The following DYM variants were observed in gnomAD, a reference collection of about 807,000 sequenced individuals.
DYM encodes dyggve-Melchior-Clausen syndrome protein.
DYM carries 78 observed loss-of-function variants against 93.1 expected under a neutral mutation model. The observed-to-expected ratio is 0.84, with a 90% CI of 0.70 to 1.01. DYM has a LOEUF of 1.01. Among genes scored for constraint, DYM ranks in the 50% least tolerant of loss-of-function variants. The pLI is 0.00. For missense variants in DYM, 789 were observed against 845.0 expected, an observed-to-expected ratio of 0.93 and a Z score of 0.82; for synonymous variants, 321 against 319.7, an observed-to-expected ratio of 1.00 and a Z score of -0.04.
intron 15 of DYM, among the ~76,000 whole-genome samples, chr18:49,129,668 C>T (rs1278271252): frequency 6.6e-6 from 1 of 152,210 alleles, no homozygotes; most frequent in African/African-American, 2.4e-5. Context: ...ACTAGGTGCT[C>T]ATGAGAAAGG....
chr18:49,371,157 A>T (rs1445943910), intron 5 of DYM, among the ~76,000 whole-genome samples: 1 of 152,110 alleles, frequency 6.6e-6, no homozygotes, highest in Non-Finnish European at 1.5e-5. Flanking sequence ...CAGGCCCTGG[A>T]TCCCTTTAGA....
Position 49,363,398 on chromosome 18 carries a change from G to A in DYM, c.422-165C>T, listed in dbSNP as rs540703983. 2.6e-5 allele frequency among the ~76,000 whole-genome samples: 4 copies of A among 152,316 alleles called. No individual in the cohort carries two copies. In the East Asian group the frequency reaches 7.7e-4, roughly 29 times the overall value. On this transcript the variant is annotated intron_variant, in intron 5 of 17. Transcript: ENST00000675505. ...TAAAATCCAAATCATGAATAGGTTA[G>A]CATCTATGATGATCTTCATCTAGCA... is the stretch of plus-strand genomic sequence containing the variant.
chr18:49,412,805 T>C (rs1250257813), intron 2 of DYM, among the ~76,000 whole-genome samples: 2 of 152,246 alleles, frequency 1.3e-5, no homozygotes, highest in Admixed American at 1.3e-4. Context: ...CTTGCTTCTG[T>C]CAGTTAAAAA....
chr18:49,460,097 C>A (rs897615010), intron 1 of DYM, among the ~76,000 whole-genome samples: 6 of 152,224 alleles, frequency 3.9e-5, no homozygotes, highest in African/African-American at 9.6e-5. Flanking sequence ...AGCTATTGCT[C>A]ACCCTGCCCA....
chr18:49,123,213 T>C (rs563355626), intron 15 of DYM, among the ~76,000 whole-genome samples: 1 of 152,344 alleles, frequency 6.6e-6, no homozygotes, highest in African/African-American at 2.4e-5. Context: ...TTTCCGCATG[T>C]ATTTTGTTAT....
At chr18:49,176,569 C>T (rs2089402949) in intron 14 of DYM, among the ~76,000 whole-genome samples, 1 of 148,146 alleles carries the variant, frequency 6.8e-6, no homozygotes, top group South Asian at 2.1e-4. Flanking sequence ...TGTCACCAAG[C>T]CTGGCTTTTT....
rs553221651 is a variant in DYM at position 49,071,849 on chromosome 18, G to A, written c.2025+25553C>T. On this transcript the variant is annotated intron_variant, in intron 17 of 17. Coordinates refer to ENST00000675505, the MANE Select transcript of DYM (RefSeq NM_001353214.3). ...GACTACAAAGGATCCCATGTATAGC[G>A]TCTTGTCATAGGGACTATTGAAAAT... 9.2e-5 allele frequency among the ~76,000 whole-genome samples: 14 copies of A among 152,286 alleles called. No homozygotes were observed. The South Asian group carries it at 2.7e-3, about 29-fold the overall frequency.
chr18:49,421,047 C>T (rs961208727), intron 2 of DYM, among the ~76,000 whole-genome samples: 2 of 152,168 alleles, frequency 1.3e-5, no homozygotes, highest in Non-Finnish European at 1.5e-5. Context: ...GAACTGCCTG[C>T]CTCTGTAGAC....
chr18:49,426,405 G>C (rs1211800299), intron 2 of DYM, among the ~76,000 whole-genome samples: 1 of 99,300 alleles, frequency 1.0e-5, no homozygotes, highest in Non-Finnish European at 1.9e-5. Context: ...GTGGGGTGGG[G>C]GGAGGGGGGA....
chr18:49,213,004 C>T lies in DYM; in HGVS notation c.1461-3289G>A, dbSNP rs551157961. On this transcript the variant is annotated intron_variant, in intron 13 of 17. Transcript: ENST00000675505. ...AGCCCATAAAAAACAGTCACTGTTA[C>T]TTAAGAATTACTTTCACAAAAATAA... Among the ~76,000 whole-genome samples the T allele has an allele frequency of 3.3e-5, 5 of 152,276 alleles. No individual in the cohort carries two copies. In the East Asian group the frequency reaches 9.7e-4, roughly 29 times the overall value.
At chr18:49,408,239 T>C (rs2071755292) in intron 2 of DYM, among the ~76,000 whole-genome samples, 1 of 152,234 alleles carries the variant, frequency 6.6e-6, no homozygotes, top group African/African-American at 2.4e-5. Flanking sequence ...CTTTTCCATA[T>C]CTAAAAACAT....
chr18:49,369,874 C>T (rs1294915580), intron 5 of DYM, among the ~76,000 whole-genome samples: 1 of 152,226 alleles, frequency 6.6e-6, no homozygotes, highest in Non-Finnish European at 1.5e-5. Flanking sequence ...CATACAGTGT[C>T]TTGGGCCTAG....
At chr18:49,049,624 G>A in intron 17 of DYM, 1 of 153,562 alleles carries the variant, frequency 6.5e-6, no homozygotes, top group Middle Eastern at 8.6e-4. Context: ...CTTAATGAAT[G>A]TTGGCTATTA....
chr18:49,211,620 C>G (rs182285519), intron 13 of DYM, among the ~76,000 whole-genome samples: 2 of 152,322 alleles, frequency 1.3e-5, no homozygotes, highest in African/African-American at 4.8e-5. Context: ...ACCAGCCTAT[C>G]AAACAACCAA....
At chr18:49,083,731 T>C (rs2078255252) in intron 17 of DYM, among the ~76,000 whole-genome samples, 1 of 152,210 alleles carries the variant, frequency 6.6e-6, no homozygotes, top group Non-Finnish European at 1.5e-5. Flanking sequence ...TTTGATAATT[T>C]GTATATTTCT....
At chr18:49,249,038 G>A (rs2094229483) in intron 13 of DYM, among the ~76,000 whole-genome samples, 1 of 152,206 alleles carries the variant, frequency 6.6e-6, no homozygotes, top group South Asian at 2.1e-4. Context: ...ACCTTAGATT[G>A]TAGAGAACTG....
At chr18:49,079,598 T>C (rs959252940) in intron 17 of DYM, among the ~76,000 whole-genome samples, 2 of 151,624 alleles carry the variant, frequency 1.3e-5, no homozygotes, top group Non-Finnish European at 1.5e-5. Context: ...TAGGGAGTGG[T>C]GATGACTCTT....
At chr18:49,379,567 A>C (rs984315291) in intron 4 of DYM, 98 bp downstream of exon 4, 1 of 1,071,686 alleles carries the variant, frequency 9.3e-7, no homozygotes, top group Non-Finnish European at 1.4e-6. Context: ...TCCTTCACAG[A>C]GATTTTCAAA....
Position 49,118,749 on chromosome 18 carries a change from C to G in DYM, c.1906G>C (p.Asp636His), listed in dbSNP as rs1346066222. 5 of 1,613,102 alleles carry G rather than the reference C, an allele frequency of 3.1e-6. No homozygotes were observed. In the African/African-American group the frequency reaches 6.7e-5, roughly 22 times the overall value. Reference protein sequence around the residue: ...PSFQDIMQNIDLVISFFSSRL... With the variant: ...PSFQDIMQNIHLVISFFSSRL... ...ATGTCTTCATTTACACTCACCAGAT[C>G]AATATTTTGCATTATATCCTGAAAT... is the stretch of plus-strand genomic sequence containing the variant. Residue 636 changes from aspartate to histidine, a missense_variant, in exon 16 of 18, where the codon GAT becomes CAT. Around this residue, in one of 3 missense-constraint regions of DYM, gnomAD observed 114 missense variants for 105.8 expected, o/e 1.08. Coordinates refer to ENST00000675505, the MANE Select transcript of DYM (RefSeq NM_001353214.3).
Sources: gnomAD v4.1 joint callset for allele counts (sites outside exome capture counted in the v4.1 genomes callset) on GRCh38, gnomAD v4.1.1 for gene constraint, gnomAD v4.1.1 regional missense constraint, MANE v1.5 for transcripts, NCBI Gene and HGNC (gene_info 2026-07-23, HGNC 2026-07-21) for gene names.